The following MAZ variants were observed in gnomAD, a reference collection of about 807,000 sequenced individuals.
The protein encoded by MAZ is MYC associated zinc finger protein, also known as myc-associated zinc finger protein.
Under a neutral mutation model 32.7 loss-of-function variants are expected in MAZ, and 4 were observed. The ratio of observed to expected loss-of-function variants is 0.12; its 90% confidence interval spans 0.06 to 0.28. The LOEUF is 0.28. Among genes scored for constraint, MAZ ranks in the 10% least tolerant of loss-of-function variants. The pLI is 1.00. For missense variants in MAZ, 763 were observed against 667.2 expected, an observed-to-expected ratio of 1.14 and a Z score of -1.58; for synonymous variants, 510 against 297.6, an observed-to-expected ratio of 1.71 and a Z score of -7.35.
rs981774567 is a variant in MAZ at position 29,807,070 on chromosome 16, CGCCGCGGCT to C, written c.288_296del (p.Ala106_Ala108del). 25 of 1,023,622 alleles carry C rather than the reference CGCCGCGGCT, an allele frequency of 2.4e-5. No homozygotes were observed. The South Asian group carries it at 5.9e-4, about 24-fold the overall frequency. The allele number at this position is 1,023,622 out of a possible 1,614,324, so 63.4% of individuals were successfully genotyped here. A position where few individuals can be genotyped will look rare whatever the true frequency, so the allele number is the denominator to read the frequency against. ...CGGTGCTCGCCGCCGCCCAGGAGTC[CGCCGCGGCT>C]GCTGCGGCCGCTGCCGCCGCTGCTG... On this transcript the variant is annotated inframe_deletion, in exon 2 of 5. Coordinates refer to ENST00000322945, the MANE Select transcript of MAZ (RefSeq NM_002383.4).
intron 4 of MAZ, chr16:29,809,374 C>A: frequency 1.6e-6 from 1 of 606,624 alleles, no homozygotes; most frequent in Non-Finnish European, 2.9e-6. Context: ...CAGGGAGGGG[C>A]TGTGTCTACC....
upstream of MAZ, chr16:29,806,421 C>CCGG (rs1567366518): frequency 7.5e-6 from 1 of 133,618 alleles, no homozygotes; most frequent in African/African-American, 2.8e-5. Flanking sequence ...CCGCCGCCGC[C>CCGG]GCCGCCCGGG....
rs748756942 is a variant in MAZ at position 29,806,740 on chromosome 16, C to T, written c.39C>T (p.Pro13=). Reference sequence around the variant, plus strand: ...TTCCTTGCACGCTGCTGGCCCCCCCCTTCCCCGTGCTGGGCCTGGACTCCC... The same window carrying T: ...TTCCTTGCACGCTGCTGGCCCCCCCTTTCCCCGTGCTGGGCCTGGACTCCC... The part of the protein sequence containing the change: ...PVFPCTLLAP[P]FPVLGLDSRG... Residue 13 remains proline, a synonymous_variant, in exon 1 of 5, where the codon CCC becomes CCT. Coordinates refer to ENST00000322945, the MANE Select transcript of MAZ (RefSeq NM_002383.4). 2.3e-5 allele frequency: 32 copies of T among 1,395,546 alleles called. No individual in the cohort carries two copies. The highest frequency in any genetic ancestry group is 1.4e-4 in the African/African-American group (9 of 64,748). The allele number at this position is 1,395,546 out of a possible 1,614,324, so 86.4% of individuals were successfully genotyped here. A position where few individuals can be genotyped will look rare whatever the true frequency, so the allele number is the denominator to read the frequency against.
At chr16:29,806,253 C>T (rs1413606465), upstream of MAZ, 1 of 218,424 alleles carries the variant, frequency 4.6e-6, no homozygotes, top group Non-Finnish European at 7.9e-6. Context: ...CCCGTCCCAC[C>T]CCCCCTCCGC....
chr16:29,809,843 T>C, intron 4 of MAZ: 1 of 973,810 alleles, frequency 1.0e-6, no homozygotes, highest in Non-Finnish European at 1.5e-6. Context: ...ATAGGGGATC[T>C]CAGGAAGGCG....
chr16:29,808,357 G>GAGACTGAC, intron 3 of MAZ, 64 bp downstream of exon 3: 1 of 1,518,268 alleles, frequency 6.6e-7, no homozygotes, highest in Non-Finnish European at 9.1e-7. Flanking sequence ...AGCTGTCTGA[G>GAGACTGAC]TCAGTCTCTC....
Position 29,807,525 on chromosome 16 carries a change from G to T in MAZ, c.740G>T (p.Gly247Val), listed in dbSNP as rs750560187. 2.5e-6 allele frequency: 4 copies of T among 1,609,238 alleles called. No individual in the cohort carries two copies. Among genetic ancestry groups the T allele is most frequent in the Non-Finnish European group, 3.4e-6 (4 of 1,178,008 alleles). ...CCCCAGCTGAGCGGAGCCGGCGGGG[G>T]AGGGGGAGAGGCGGGTGCCGGCGGC... The part of the protein sequence containing the change: ...SVPQLSGAGG[G>V]GGEAGAGGGA... The change falls in exon 2 of 5, where the codon GGA (glycine) becomes GTA (valine). Residue 247 changes from glycine (G) to valine (V), a missense_variant. Gly to Val is a moderately radical substitution (Grantham distance 109). Coordinates refer to ENST00000322945, the MANE Select transcript of MAZ (RefSeq NM_002383.4).
intron 4 of MAZ, 34 bp from the exon 5 acceptor site, chr16:29,810,043 T>A: frequency 6.3e-7 from 1 of 1,584,788 alleles, no homozygotes; most frequent in Non-Finnish European, 8.6e-7. Context: ...GCCATTCAGA[T>A]CGCGCTGTGA....
At position 29,807,395 on chromosome 16, in the gene MAZ, A is replaced by G; in HGVS notation, c.610A>G (p.Asn204Asp). The stretch of plus-strand genomic sequence containing the variant: ...CGCCAAGGAGTTCAAGAACGGCTAC[A>G]ATCTCCGGAGGCACGAAGCCATCCA... ...LCAKEFKNGY[N>D]LRRHEAIHTG... Residue 204 changes from asparagine to aspartate, a missense_variant, in exon 2 of 5, where the codon AAT becomes GAT. Asn to Asp is a conservative substitution (Grantham distance 23). Transcript: ENST00000322945. The G allele has an allele frequency of 6.2e-7, 1 of 1,612,308 alleles. No homozygotes were observed. The highest frequency in any genetic ancestry group is 8.5e-7 in the Non-Finnish European group (1 of 1,179,738).
intron 2 of MAZ, 50 bp from the exon 3 acceptor site, chr16:29,808,180 A>C (rs778079940): frequency 1.3e-6 from 2 of 1,518,194 alleles, no homozygotes; most frequent in Non-Finnish European, 1.8e-6. Context: ...GGTTTGGTGG[A>C]TTTGGGGCGC....
Position 29,809,777 on chromosome 16 carries a change from G to A in MAZ, c.1280-300G>A, listed in dbSNP as rs1312814638. ...CCGCACCCACCAGGCAAGGCGTGGGGCATGGCTGGGGGGCGGGATGGGGGG... is the reference window on the plus strand; with the variant it reads ...CCGCACCCACCAGGCAAGGCGTGGGACATGGCTGGGGGGCGGGATGGGGGG... On this transcript the variant is annotated intron_variant, in intron 4 of 4. Coordinates refer to ENST00000322945, the MANE Select transcript of MAZ (RefSeq NM_002383.4). 5.3e-6 allele frequency: 7 copies of A among 1,332,254 alleles called. No individual in the cohort carries two copies. The African/African-American group carries it at 7.4e-5, about 14-fold the overall frequency. The allele number at this position is 1,332,254 out of a possible 1,614,324, so 82.5% of individuals were successfully genotyped here.
In MAZ at chr16:29,807,313, C is replaced by A; in HGVS notation, c.528C>A (p.Val176=). The A allele has an allele frequency of 6.3e-7, 1 of 1,594,764 alleles. No homozygotes were observed. The highest frequency in any genetic ancestry group is 2.3e-5 in the East Asian group (1 of 43,484). The change falls in exon 2 of 5, where the codon GTC becomes GTA. Residue 176 remains valine (V), a synonymous_variant. Transcript: ENST00000322945. ...APTSTVAVAP[V]ASALEKKTKS... ...CCTCGACGGTCGCCGTGGCCCCGGT[C>A]GCGTCTGCCTTGGAGAAGAAGACAA...
At position 29,806,906 on chromosome 16, in the gene MAZ, G is replaced by C; in HGVS notation, c.192+13G>C. On this transcript the variant is annotated intron_variant, in intron 1 of 4. Coordinates refer to ENST00000322945, the MANE Select transcript of MAZ (RefSeq NM_002383.4). The stretch of plus-strand genomic sequence containing the variant: ...GAGTCCATTCCAGGTGAGTAGGGCC[G>C]GCCGCGGCGGCCCGGGCTGGGGGGG... The C allele has an allele frequency of 7.7e-7, 1 of 1,302,378 alleles. No homozygotes were observed. The highest frequency in any genetic ancestry group is 9.8e-7 in the Non-Finnish European group (1 of 1,015,382). The allele number at this position is 1,302,378 out of a possible 1,614,324, so 80.7% of individuals were successfully genotyped here.
rs1186763750 is a variant in MAZ, at chr16:29,811,039, C to T, written c.*808C>T. 4.4e-6 allele frequency: 2 copies of T among 455,250 alleles called. No individual in the cohort carries two copies. The highest frequency in any genetic ancestry group is 8.8e-6 in the Non-Finnish European group (2 of 226,390). 28.2% of individuals were successfully genotyped at this position (455,250 alleles called of 1,614,324 possible). On this transcript the variant is annotated 3_prime_UTR_variant, in exon 5 of 5. Transcript: ENST00000322945. ...CTGGTCTTGTCTTTTCATCCCTCTT[C>T]CCCACGACAGAAGAAGTTGTGGCCC...
At position 29,807,478 on chromosome 16, in the gene MAZ, GCCCCTGAGC is replaced by G. The variant is rs1899584394; in HGVS notation, c.695_703del (p.Pro232_Ser234del). On this transcript the variant is annotated inframe_deletion, in exon 2 of 5. Transcript: ENST00000322945. ...GTGCTATGAAGATGCCGACCATGGT[GCCCCTGAGC>G]CTCCTGAGCGTGCCCCAGCTGAGCG... is the stretch of plus-strand genomic sequence containing the variant. 1.2e-6 allele frequency: 2 copies of G among 1,612,294 alleles called. No homozygotes were observed. Among genetic ancestry groups the G allele is most frequent in the Non-Finnish European group, 1.7e-6 (2 of 1,179,706 alleles).
rs767856499 is a variant in MAZ at position 29,806,667 on chromosome 16, C to T, written c.-35C>T. 4 of 1,033,858 alleles carry T rather than the reference C, an allele frequency of 3.9e-6. No individual in the cohort carries two copies. The highest frequency in any genetic ancestry group is 4.7e-6 in the Non-Finnish European group (4 of 858,274). The allele number at this position is 1,033,858 out of a possible 1,614,324, so 64.0% of individuals were successfully genotyped here. A position where few individuals can be genotyped will look rare whatever the true frequency, so the allele number is the denominator to read the frequency against. On this transcript the variant is annotated 5_prime_UTR_variant, in exon 1 of 5. Coordinates refer to ENST00000322945, the MANE Select transcript of MAZ (RefSeq NM_002383.4). ...CCGCGCGGCCCGCGCCCCCGGCCCC[C>T]GCTGAGCCCCGGGGGCCCCGCTGCG...
chr16:29,809,552 C>T (rs769718377), intron 4 of MAZ: 2 of 1,610,614 alleles, frequency 1.2e-6, no homozygotes, highest in Non-Finnish European at 1.7e-6. Flanking sequence ...TTCACCACGG[C>T]AGCATACCTG....
In MAZ at chr16:29,807,102, CT is replaced by C; in HGVS notation, c.318del (p.Ala107ProfsTer21). The C allele has an allele frequency of 9.9e-7, 1 of 1,008,766 alleles. No homozygotes were observed. The highest frequency in any genetic ancestry group is 1.2e-6 in the Non-Finnish European group (1 of 838,660). The allele number at this position is 1,008,766 out of a possible 1,614,324, so 62.5% of individuals were successfully genotyped here. A position where few individuals can be genotyped will look rare whatever the true frequency, so the allele number is the denominator to read the frequency against. On this transcript the variant is annotated frameshift_variant, in exon 2 of 5. Transcript: ENST00000322945. LOFTEE classifies it high-confidence loss of function. ...GCTGCTGCGGCCGCTGCCGCCGCTG[CT>C]GCCGCCGTCGCTGCCGCGCCCCCGG... ...AAAAAAAAAA[A>X]AAVAAAPPAP...
chr16:29,807,612 G>T lies in MAZ; in HGVS notation c.827G>T (p.Arg276Leu), dbSNP rs1414998604. 1.9e-6 allele frequency: 3 copies of T among 1,612,538 alleles called. No individual in the cohort carries two copies. Among genetic ancestry groups the T allele is most frequent in the Non-Finnish European group, 2.5e-6 (3 of 1,179,838 alleles). ...ACGACCGCCTCGGGGAAGCGCATCC[G>T]GAAGAACCATGCCTGCGAGATGTGT... The part of the protein sequence containing the change: ...VTTTASGKRI[R>L]KNHACEMCGK... Residue 276 changes from arginine (R) to leucine (L), a missense_variant, in exon 2 of 5, where the codon CGG becomes CTG. Transcript: ENST00000322945.
Sources: gnomAD v4.1 joint callset for allele counts on GRCh38, gnomAD v4.1.1 for gene constraint, MANE v1.5 for transcripts, NCBI Gene and HGNC (gene_info 2026-07-23, HGNC 2026-07-21) for gene names.